GGA1: variants seen among roughly 807,000 people sequenced by gnomAD.
The protein encoded by GGA1 is golgi associated, gamma adaptin ear containing, ARF binding protein 1.
GGA1 carries 18 observed loss-of-function variants against 76.9 expected under a neutral mutation model. The observed-to-expected ratio is 0.23, with a 90% CI of 0.16 to 0.35. The LOEUF (loss-of-function observed/expected upper bound fraction) is 0.35, where lower values mean the gene tolerates loss of function less well. Among genes scored for constraint, GGA1 ranks in the 10% least tolerant of loss-of-function variants. The pLI is 1.00. For missense variants in GGA1, 755 were observed against 859.0 expected (o/e 0.88, Z 1.51); for synonymous variants, 342 against 354.7 (o/e 0.96, Z 0.40).
At chr22:37,631,889 G>C (rs1931859265) in intron 14 of GGA1, 107 bp from the exon 15 acceptor site, 14 of 913,852 alleles carry the variant, frequency 1.5e-5, no homozygotes, top group Non-Finnish European at 2.2e-5. Flanking sequence ...CTTTGCTCTT[G>C]TTGCCAGTAC....
Position 37,621,625 on chromosome 22 carries a change from C to T in GGA1, c.538C>T (p.Arg180Cys), listed in dbSNP as rs189717909. The T allele has an allele frequency of 1.2e-5, 19 of 1,552,006 alleles. No homozygotes were observed. The highest frequency in any genetic ancestry group is 5.5e-5 in the African/African-American group (4 of 73,316). The change falls in exon 7 of 17, where the codon CGC becomes TGC. Residue 180 changes from arginine (R) to cysteine (C), a missense_variant. By Grantham distance (180) the Arg-to-Cys change is radical (BLOSUM62 -3). Transcript: ENST00000343632. Reference sequence around the variant, plus strand: ...CCCTCTGTCTCTGCAGATGCTGGCCCGCCTGCTGAAGAGCTCCCATCCCGA... The same window carrying T: ...CCCTCTGTCTCTGCAGATGCTGGCCTGCCTGCTGAAGAGCTCCCATCCCGA... ...EDEEKSKMLA[R>C]LLKSSHPEDL...
intron 1 of GGA1, chr22:37,610,569 G>A (rs1210478226): frequency 6.6e-6 from 1 of 152,256 alleles, no homozygotes; most frequent in Non-Finnish European, 1.5e-5. Flanking sequence ...TCGAACTCCT[G>A]ACCTCAGGTG....
rs1391315933 is a variant in GGA1 at position 37,614,203 on chromosome 22, C to T, written c.57C>T (p.Asn19=). 2 of 1,612,878 alleles carry T rather than the reference C, an allele frequency of 1.2e-6. No homozygotes were observed. The highest frequency in any genetic ancestry group is 1.7e-6 in the Non-Finnish European group (2 of 1,179,046). ...CTCCTCTTCCAGATAGAGCCACGAACCCCCTGAACAAGGAGCTCGACTGGG... is the reference window on the plus strand; with the variant it reads ...CTCCTCTTCCAGATAGAGCCACGAATCCCCTGAACAAGGAGCTCGACTGGG... ...TLEARINRAT[N]PLNKELDWAS... The change falls in exon 2 of 17, where the codon AAC becomes AAT. Residue 19 remains asparagine, a synonymous_variant. Coordinates refer to ENST00000343632, the MANE Select transcript of GGA1 (RefSeq NM_013365.5).
chr22:37,613,800 C>T (rs868313939), intron 1 of GGA1, among the ~76,000 whole-genome samples: 4 of 152,172 alleles, frequency 2.6e-5, no homozygotes, highest in Admixed American at 6.5e-5. Flanking sequence ...TCCTTGAGGG[C>T]GGGACTATGA....
chr22:37,630,366 G>A, intron 13 of GGA1, 196 bp downstream of exon 13: 1 of 541,312 alleles, frequency 1.8e-6, no homozygotes, highest in South Asian at 2.3e-5. Context: ...CACTGGCCTG[G>A]CCTCCCCCCA....
rs758053020 is a variant in GGA1 at position 37,608,852 on chromosome 22, C to T, written c.-9C>T. The T allele has an allele frequency of 3.2e-5, 42 of 1,307,208 alleles. No individual in the cohort carries two copies. The highest frequency in any genetic ancestry group is 8.4e-5 in the Admixed American group (2 of 23,802). 81.0% of individuals were successfully genotyped at this position (1,307,208 alleles called of 1,614,324 possible). A position where few individuals can be genotyped will look rare whatever the true frequency, so the allele number is the denominator to read the frequency against. On this transcript the variant is annotated 5_prime_UTR_variant, in exon 1 of 17. Transcript: ENST00000343632. Reference sequence around the variant, plus strand: ...GGGGGGCGGTGCCGAGGCTGGGGGCCGGTGGCGGATGGAGCCCGCGATGGA... The same window carrying T: ...GGGGGGCGGTGCCGAGGCTGGGGGCTGGTGGCGGATGGAGCCCGCGATGGA...
In GGA1 at chr22:37,609,388, C is replaced by G. The variant is rs943234855; in HGVS notation, c.43+485C>G. On this transcript the variant is annotated intron_variant, in intron 1 of 16. Coordinates refer to ENST00000343632, the MANE Select transcript of GGA1 (RefSeq NM_013365.5). ...AGTCACATTTGCTCATTACCCCGTC[C>G]TGGAAGGGAGGACCCACTGCCCCAT... The G allele has an allele frequency of 7.8e-6, 8 of 1,023,274 alleles. No homozygotes were observed. In the South Asian group the frequency reaches 1.1e-4, roughly 14 times the overall value. 63.4% of individuals were successfully genotyped at this position (1,023,274 alleles called of 1,614,324 possible). A position where few individuals can be genotyped will look rare whatever the true frequency, so the allele number is the denominator to read the frequency against.
intron 3 of GGA1, 164 bp from the exon 4 acceptor site, chr22:37,618,284 C>A: frequency 1.7e-6 from 1 of 588,924 alleles, no homozygotes; most frequent in Non-Finnish European, 3.1e-6. Flanking sequence ...GAGTGATGAC[C>A]AGTCCCAGAG....
Position 37,623,254 on chromosome 22 carries a change from C to A in GGA1, c.610-73C>A. 1 of 1,393,620 alleles carries A rather than the reference C, an allele frequency of 7.2e-7. No homozygotes were observed. Among genetic ancestry groups the A allele is most frequent in the Non-Finnish European group, 1.0e-6 (1 of 981,460 alleles). 86.3% of individuals were successfully genotyped at this position (1,393,620 alleles called of 1,614,324 possible). ...GTCAACCCAGATCCCAGCACACATT[C>A]TCTCAAGTGGCAGGGGGCAGTGCCT... On this transcript the variant is annotated intron_variant, in intron 7 of 16. Coordinates refer to ENST00000343632, the MANE Select transcript of GGA1 (RefSeq NM_013365.5). The surrounding 1 kb of genome is among the most constrained non-coding windows in gnomAD (Gnocchi z 4.6).
intron 1 of GGA1, chr22:37,612,934 T>A: frequency 1.0e-6 from 1 of 985,286 alleles, no homozygotes; most frequent in Middle Eastern, 5.2e-4. Flanking sequence ...GTTGGCCCTC[T>A]TTCCTTGCCA....
intron 11 of GGA1, chr22:37,626,239 C>T (rs1167820814): frequency 1.3e-5 from 4 of 306,678 alleles, no homozygotes; most frequent in African/African-American, 2.1e-5. Context: ...GGGATTTCCC[C>T]GCAACAGGTT....
In GGA1 at chr22:37,632,655, A is replaced by G. The variant is rs749866448; in HGVS notation, c.1864A>G (p.Asn622Asp). The change falls in exon 17 of 17, where the codon AAC (asparagine) becomes GAC (aspartate). Residue 622 changes from asparagine (N) to aspartate (D), a missense_variant. Asn to Asp is a conservative substitution (Grantham distance 23, BLOSUM62 1). Coordinates refer to ENST00000343632, the MANE Select transcript of GGA1 (RefSeq NM_013365.5). The surrounding 1 kb of genome is among the most constrained non-coding windows in gnomAD (Gnocchi z 5.1). ...LTFTMGDQTY[N>D]EMGDVDQFPP... is the part of the protein sequence containing the mutation. ...CTTCACCATGGGTGACCAGACCTAC[A>G]ACGAGATGGGGGATGTGGACCAGTT... The G allele has an allele frequency of 3.1e-6, 5 of 1,613,330 alleles. No homozygotes were observed. The highest frequency in any genetic ancestry group is 4.2e-6 in the Non-Finnish European group (5 of 1,179,596).
rs1225189820 is a variant in GGA1, at chr22:37,621,201, A to G, written c.528+288A>G. Among the ~76,000 whole-genome samples the G allele has an allele frequency of 3.9e-5, 6 of 152,238 alleles. No homozygotes were observed. In the East Asian group the frequency reaches 7.7e-4, roughly 19 times the overall value. ...TTCACTAATTTTTTGTTAAAAGTTA[A>G]TAAAATTAAAACTTGTGGGTGAAAA... On this transcript the variant is annotated intron_variant, in intron 6 of 16. Transcript: ENST00000343632.
At chr22:37,609,223 C>T in intron 1 of GGA1, 3 of 1,227,572 alleles carry the variant, frequency 2.4e-6, no homozygotes, top group Non-Finnish European at 3.1e-6. Flanking sequence ...CATTGCTTCA[C>T]GGAGTAGCGG....
Position 37,625,029 on chromosome 22 carries a change from T to A in GGA1, c.893T>A (p.Val298Glu). The A allele has an allele frequency of 6.2e-7, 1 of 1,602,198 alleles. No homozygotes were observed. Among genetic ancestry groups the A allele is most frequent in the Non-Finnish European group, 8.5e-7 (1 of 1,175,130 alleles). ...GTGATCAACCTGTATAAGCAGCTGG[T>A]GCGGGGTGAGGAGGTCAACGGTGAT... ...TQVINLYKQL[V>E]RGEEVNGDAT... Residue 298 changes from valine to glutamate, a missense_variant, in exon 10 of 17, where the codon GTG becomes GAG. Transcript: ENST00000343632. This position sits in a 1 kb window ranked among gnomAD's most constrained non-coding sequence, Gnocchi z 4.1.
chr22:37,628,682 C>A (rs1931267860), intron 11 of GGA1, among the ~76,000 whole-genome samples: 2 of 152,186 alleles, frequency 1.3e-5, no homozygotes, highest in Admixed American at 1.3e-4. Flanking sequence ...TAGAAGGGAC[C>A]CACTGTCACA....
chr22:37,626,033 C>T (rs1198800834), intron 11 of GGA1, 84 bp downstream of exon 11: 1 of 1,105,618 alleles, frequency 9.0e-7, no homozygotes, highest in Non-Finnish European at 1.3e-6. Context: ...GCTAGCGGAA[C>T]CACGTACCCC....
intron 3 of GGA1, chr22:37,617,484 C>T (rs1929031468): frequency 2.0e-6 from 2 of 993,646 alleles, no homozygotes; most frequent in African/African-American, 1.7e-5. Context: ...CATACCAACC[C>T]ACCATGGAGC....
intron 3 of GGA1, chr22:37,617,433 G>GGA (rs755894481): frequency 1.9e-6 from 2 of 1,045,744 alleles, no homozygotes; most frequent in Non-Finnish European, 2.3e-6. Context: ...CAATAGCAGA[G>GGA]GAGAGAGGGG....
Sources: allele counts gnomAD v4.1 joint callset (sites outside exome capture counted in the v4.1 genomes callset), GRCh38; gene constraint gnomAD v4.1.1; non-coding constraint Gnocchi (gnomAD v3.1); transcripts MANE v1.5; gene names NCBI Gene and HGNC (gene_info 2026-07-23, HGNC 2026-07-21).